Variants in CDC27 observed in about 807,000 individuals in gnomAD.
CDC27 encodes cell division cycle protein 27 homolog.
In CDC27, 27 loss-of-function variants were observed where a neutral mutation model predicts 109.7. The ratio of observed to expected loss-of-function variants is 0.25; its 90% CI spans 0.18 to 0.34. The LOEUF is 0.34. Among genes scored for constraint, CDC27 ranks in the 10% least tolerant of loss-of-function variants. CDC27 has a pLI of 1.00. For synonymous variants in CDC27, 266 were observed against 333.9 expected (o/e 0.80, Z 2.22); for missense variants, 579 against 960.2 (o/e 0.60, Z 5.25).
Position 47,143,888 on chromosome 17 carries a change from T to C in CDC27, c.1165A>G (p.Thr389Ala), listed in dbSNP as rs754306390. ...TACAGAAATCTTTAAATTACCTTGG[T>C]TGTGGAGCTGTCACTAGTAAAGAGT... ...SRLFTSDSST[T>A]KENSKKLKMK... Residue 389 changes from threonine (T) to alanine (A), a missense_variant, in exon 10 of 19, where the codon ACC (threonine) becomes GCC (alanine). This residue lies in a region of CDC27 where 51 missense variants were observed against 43.8 expected (regional missense o/e 1.16). Coordinates refer to ENST00000066544, the MANE Select transcript of CDC27 (RefSeq NM_001256.6). 2.1e-6 allele frequency: 3 copies of C among 1,435,804 alleles called. No homozygotes were observed. The highest frequency in any genetic ancestry group is 3.7e-4 in the Middle Eastern group (2 of 5,408). The allele number at this position is 1,435,804 out of a possible 1,614,324, so 88.9% of individuals were successfully genotyped here.
At chr17:47,170,640 T>C (rs770331276) in intron 3 of CDC27, among the ~76,000 whole-genome samples, 19 of 152,182 alleles carry the variant, frequency 1.2e-4, no homozygotes, top group Non-Finnish European at 2.8e-4. Flanking sequence ...ACAAATCCAG[T>C]CTGAGCAACA....
chr17:47,171,313 C>T (rs536153873), intron 3 of CDC27, among the ~76,000 whole-genome samples: 1 of 152,314 alleles, frequency 6.6e-6, no homozygotes, highest in South Asian at 2.1e-4. Context: ...CTTGTATCTT[C>T]CCCTTGTAAA....
In CDC27 at chr17:47,138,874, T is replaced by C; in HGVS notation, c.1569A>G (p.Ser523=). ...TATAATTCTCAATCCTTCTAACCTC[T>C]GAGAATATTCTTTCAGCCTGAAATA... is the stretch of plus-strand genomic sequence containing the variant. ...SEYMQAERIF[S]EVRRIENYRV... is the part of the protein sequence containing the mutation. Residue 523 remains serine, a synonymous_variant, in exon 13 of 19, where the codon TCA becomes TCG. Coordinates refer to ENST00000066544, the MANE Select transcript of CDC27 (RefSeq NM_001256.6). 1 of 1,576,200 alleles carries C rather than the reference T, an allele frequency of 6.3e-7. No homozygotes were observed. Among genetic ancestry groups the C allele is most frequent in the East Asian group, 2.3e-5 (1 of 44,172 alleles).
chr17:47,175,507 T>C (rs1221129956), intron 2 of CDC27, among the ~76,000 whole-genome samples: 1 of 152,222 alleles, frequency 6.6e-6, no homozygotes, highest in Non-Finnish European at 1.5e-5. Context: ...TTATGATTTG[T>C]GACACATGTT....
At chr17:47,182,405 A>G (rs1028734411) in intron 1 of CDC27, among the ~76,000 whole-genome samples, 1 of 152,212 alleles carries the variant, frequency 6.6e-6, no homozygotes, top group African/African-American at 2.4e-5. Context: ...TAAGAAATAA[A>G]ATATCTCTGA....
At chr17:47,163,920 C>G (rs1349571429) in intron 4 of CDC27, among the ~76,000 whole-genome samples, 1 of 152,126 alleles carries the variant, frequency 6.6e-6, no homozygotes. Context: ...CGTGTCACCA[C>G]GCCCAGCTGA....
At chr17:47,179,271 A>G (rs2064134367) in intron 2 of CDC27, among the ~76,000 whole-genome samples, 1 of 152,228 alleles carries the variant, frequency 6.6e-6, no homozygotes, top group Admixed American at 6.5e-5. Flanking sequence ...AGAAACTGCT[A>G]CTAGTGACAT....
At chr17:47,167,998 T>A (rs924333023) in intron 4 of CDC27, among the ~76,000 whole-genome samples, 2 of 152,198 alleles carry the variant, frequency 1.3e-5, no homozygotes, top group South Asian at 4.1e-4. Context: ...GAAGAGTGCA[T>A]AGGGCGAGGC....
rs778379794 is a variant in CDC27 at position 47,132,298 on chromosome 17, T to C, written c.1990A>G (p.Ile664Val). 6.2e-7 allele frequency: 1 copy of C among 1,603,588 alleles called. No individual in the cohort carries two copies. The highest frequency in any genetic ancestry group is 1.1e-5 in the South Asian group (1 of 89,430). The change falls in exon 15 of 19, where the codon ATC (isoleucine) becomes GTC (valine). Residue 664 changes from isoleucine (I) to valine (V), a missense_variant. Ile to Val is a conservative substitution (Grantham distance 29). Coordinates refer to ENST00000066544, the MANE Select transcript of CDC27 (RefSeq NM_001256.6). ...AGTAAAACTGAACTTTGAGGGTTGATATCAAGCGCTTTTTGGAAATGCATT... is the reference window on the plus strand; with the variant it reads ...AGTAAAACTGAACTTTGAGGGTTGACATCAAGCGCTTTTTGGAAATGCATT... ...AEMHFQKALD[I>V]NPQSSVLLCH...
chr17:47,141,792 T>C lies in CDC27; in HGVS notation c.1551+61A>G. 6.0e-6 allele frequency: 6 copies of C among 1,001,990 alleles called. No individual in the cohort carries two copies. The South Asian group carries it at 1.0e-4, about 17-fold the overall frequency. The allele number at this position is 1,001,990 out of a possible 1,614,324, so 62.1% of individuals were successfully genotyped here. Reference sequence around the variant, plus strand: ...ATCTAGCCTTCTTAAGCATGGGCATTTATTTTAATGAAATTGAAATTATCT... The same window carrying C: ...ATCTAGCCTTCTTAAGCATGGGCATCTATTTTAATGAAATTGAAATTATCT... On this transcript the variant is annotated intron_variant, in intron 12 of 18. Coordinates refer to ENST00000066544, the MANE Select transcript of CDC27 (RefSeq NM_001256.6).
intron 2 of CDC27, among the ~76,000 whole-genome samples, chr17:47,172,653 C>T (rs887032338): frequency 6.6e-5 from 10 of 152,174 alleles, no homozygotes; most frequent in Admixed American, 3.9e-4. Flanking sequence ...AATTAAATTA[C>T]ATTACAATAG....
intron 16 of CDC27, among the ~76,000 whole-genome samples, chr17:47,129,139 A>G (rs561665070): frequency 6.6e-5 from 10 of 152,318 alleles, no homozygotes; most frequent in African/African-American, 2.4e-4. Flanking sequence ...CTTTAAGATA[A>G]CTACCTGATG....
At position 47,169,790 on chromosome 17, in the gene CDC27, T is replaced by C. The variant is rs146301864; in HGVS notation, c.377+127A>G. The C allele has an allele frequency of 3.9e-4, 239 of 614,506 alleles. 2 individuals carry two copies. In the East Asian group the frequency reaches 7.1e-3, roughly 18 times the overall value. 38.1% of individuals were successfully genotyped at this position (614,506 alleles called of 1,614,324 possible). A position where few individuals can be genotyped will look rare whatever the true frequency, so the allele number is the denominator to read the frequency against. Reference sequence around the variant, plus strand: ...CATCTCTGCTATTTTAATAAGGTCATAGAATCAGACTATGTACTACTCAGC... The same window carrying C: ...CATCTCTGCTATTTTAATAAGGTCACAGAATCAGACTATGTACTACTCAGC... On this transcript the variant is annotated intron_variant, in intron 4 of 18. Transcript: ENST00000066544.
At chr17:47,128,467 T>C (rs2062217409) in intron 16 of CDC27, among the ~76,000 whole-genome samples, 1 of 152,208 alleles carries the variant, frequency 6.6e-6, no homozygotes, top group Non-Finnish European at 1.5e-5. Context: ...AGGCTAAGCA[T>C]ACATAATTTG....
In CDC27 at chr17:47,119,611, T is replaced by G. The variant is rs534402159; in HGVS notation, c.*1324A>C. Reference sequence around the variant, plus strand: ...TAACAACTAAAATTTCTCTAAAAATTTCAATACATTACAGTAAAGGAGATA... The same window carrying G: ...TAACAACTAAAATTTCTCTAAAAATGTCAATACATTACAGTAAAGGAGATA... On this transcript the variant is annotated 3_prime_UTR_variant, in exon 19 of 19. Coordinates refer to ENST00000066544, the MANE Select transcript of CDC27 (RefSeq NM_001256.6). The G allele has an allele frequency of 1.8e-4, 27 of 152,272 alleles. No individual in the cohort carries two copies. The highest frequency in any genetic ancestry group is 6.5e-4 in the African/African-American group (27 of 41,560). The allele number at this position is 152,272 out of a possible 1,614,324, so 9.4% of individuals were successfully genotyped here.
In CDC27 at chr17:47,133,062, TAC is replaced by T. The variant is rs200816984; in HGVS notation, c.1914-690_1914-689del. The stretch of plus-strand genomic sequence containing the variant: ...ACACACACACACACACACATACATA[TAC>T]ACACACACACACACACACACAAACA... On this transcript the variant is annotated intron_variant, in intron 14 of 18. Transcript: ENST00000066544. Among the ~76,000 whole-genome samples, 512 of 73,674 alleles carry T rather than the reference TAC, an allele frequency of 6.9e-3. 8 individuals are homozygous for T. The highest frequency in any genetic ancestry group is 0.015 in the African/African-American group (255 of 17,242). 48.3% of individuals were successfully genotyped at this position (73,674 alleles called of 152,430 possible).
chr17:47,136,836 G>A (rs968384506), intron 14 of CDC27, among the ~76,000 whole-genome samples: 14 of 151,898 alleles, frequency 9.2e-5, no homozygotes, highest in South Asian at 6.2e-4. Context: ...TCACCATTTC[G>A]GTGTTCGAAG....
chr17:47,177,489 A>G (rs904783434), intron 2 of CDC27, among the ~76,000 whole-genome samples: 1 of 152,228 alleles, frequency 6.6e-6, no homozygotes, highest in Non-Finnish European at 1.5e-5. Flanking sequence ...ATGCAGGAGA[A>G]TTGCCTGAAC....
At chr17:47,141,626 A>G (rs2062795803) in intron 12 of CDC27, among the ~76,000 whole-genome samples, 1 of 152,176 alleles carries the variant, frequency 6.6e-6, no homozygotes, top group Admixed American at 6.5e-5. Context: ...TGTCTGGATG[A>G]CTTGGGTCTC....
Sources: gnomAD v4.1 joint callset for allele counts (sites outside exome capture counted in the v4.1 genomes callset) on GRCh38, gnomAD v4.1.1 for gene constraint, gnomAD v4.1.1 regional missense constraint, MANE v1.5 for transcripts, NCBI Gene and HGNC (gene_info 2026-07-23, HGNC 2026-07-21) for gene names.